Variants in ADGRL3 observed in about 807,000 individuals in gnomAD.
ADGRL3 encodes the protein adhesion G protein-coupled receptor L3.
In ADGRL3, 62 loss-of-function variants were observed where a neutral mutation model predicts 153.5. The ratio of observed to expected loss-of-function variants is 0.40; its 90% CI spans 0.33 to 0.50. The LOEUF is 0.50. Ranked by LOEUF, ADGRL3 falls within the 20% of genes least tolerant of loss-of-function variation. The pLI is 0.47. For synonymous variants in ADGRL3, 710 were observed against 672.5 expected, an observed-to-expected ratio of 1.06 and a Z score of -0.86; for missense variants, 1,641 against 1,859.4, an observed-to-expected ratio of 0.88 and a Z score of 2.16.
At chr4:61,489,263 A>G (rs2098231361) in intron 2 of ADGRL3, among the ~76,000 whole-genome samples, 1 of 151,954 alleles carries the variant, frequency 6.6e-6, no homozygotes, top group African/African-American at 2.4e-5. Context: ...TGTCCTTTTC[A>G]CACTCTAAAG....
intron 1 of ADGRL3, among the ~76,000 whole-genome samples, chr4:61,333,740 G>A (rs2095620212): frequency 6.6e-6 from 1 of 151,994 alleles, no homozygotes; most frequent in Middle Eastern, 3.4e-3. Context: ...GAGACTCCAG[G>A]CATGTGCCAC....
At chr4:61,717,580 A>C (rs2096146461) in intron 6 of ADGRL3, among the ~76,000 whole-genome samples, 1 of 152,174 alleles carries the variant, frequency 6.6e-6, no homozygotes, top group South Asian at 2.1e-4. Flanking sequence ...AGTCGTTTTG[A>C]TAAGTTAGTA....
intron 11 of ADGRL3, among the ~76,000 whole-genome samples, chr4:61,899,714 A>C (rs1225578593): frequency 2.0e-5 from 3 of 152,130 alleles, no homozygotes; most frequent in Admixed American, 1.3e-4. Flanking sequence ...ACAGAAGTAT[A>C]TTTACTATGG....
intron 8 of ADGRL3, among the ~76,000 whole-genome samples, chr4:61,796,857 T>TA (rs1011495767): frequency 2.0e-5 from 3 of 152,262 alleles, no homozygotes; most frequent in African/African-American, 7.2e-5. Context: ...TACAAAAGGA[T>TA]AAAAAAATAC....
intron 9 of ADGRL3, 57 bp from the exon 10 acceptor site, chr4:61,892,598 TC>T: frequency 7.9e-7 from 1 of 1,261,242 alleles, no homozygotes; most frequent in Non-Finnish European, 1.2e-6. Flanking sequence ...TACTAGGACA[TC>T]TTGAGGTCCT....
intron 6 of ADGRL3, among the ~76,000 whole-genome samples, chr4:61,728,826 A>G (rs528635488): frequency 7.2e-5 from 11 of 152,026 alleles, no homozygotes; most frequent in Middle Eastern, 3.4e-3. Flanking sequence ...CGATTATGCA[A>G]TTTGTTAAGG....
At chr4:61,912,457 A>C (rs1380719682) in intron 12 of ADGRL3, among the ~76,000 whole-genome samples, 1 of 152,140 alleles carries the variant, frequency 6.6e-6, no homozygotes, top group African/African-American at 2.4e-5. Context: ...TACGAAATGT[A>C]TTCAAAGATT....
At chr4:62,015,356 C>A (rs149965620) in intron 21 of ADGRL3, among the ~76,000 whole-genome samples, 2 of 152,136 alleles carry the variant, frequency 1.3e-5, no homozygotes, top group African/African-American at 4.8e-5. Flanking sequence ...ACTCAAAAAC[C>A]CTCTTTGTTC....
chr4:61,301,061 C>T (rs907827472), intron 1 of ADGRL3, among the ~76,000 whole-genome samples: 1 of 152,100 alleles, frequency 6.6e-6, no homozygotes, highest in Non-Finnish European at 1.5e-5. Context: ...CTGCGCCAGT[C>T]CAAGAATGAG....
intron 8 of ADGRL3, among the ~76,000 whole-genome samples, chr4:61,743,426 G>T (rs2096609420): frequency 6.6e-6 from 1 of 151,674 alleles, no homozygotes; most frequent in South Asian, 2.1e-4. Context: ...AGATTTATCT[G>T]AAAATTATCT....
intron 8 of ADGRL3, among the ~76,000 whole-genome samples, chr4:61,795,935 C>T (rs1172329956): frequency 6.6e-6 from 1 of 152,094 alleles, no homozygotes; most frequent in Non-Finnish European, 1.5e-5. Flanking sequence ...CTCTGCCCAC[C>T]AGGTTCAAGC....
chr4:61,454,352 C>G (rs1247106940), intron 2 of ADGRL3, among the ~76,000 whole-genome samples: 1 of 151,764 alleles, frequency 6.6e-6, no homozygotes, highest in Non-Finnish European at 1.5e-5. Flanking sequence ...TTTTTTATTC[C>G]TACCTTTCAT....
intron 2 of ADGRL3, among the ~76,000 whole-genome samples, chr4:61,463,795 A>G (rs1363781468): frequency 6.6e-6 from 1 of 152,140 alleles, no homozygotes; most frequent in Non-Finnish European, 1.5e-5. Flanking sequence ...CGGGGTGGGT[A>G]TGAGGGTTAT....
At chr4:62,052,406 T>C (rs1206354007) in intron 25 of ADGRL3, among the ~76,000 whole-genome samples, 1 of 151,544 alleles carries the variant, frequency 6.6e-6, no homozygotes, top group East Asian at 1.9e-4. Context: ...TTTGCTTCCA[T>C]TTTATTTTGT....
At chr4:61,685,475 A>G (rs1233007297) in intron 6 of ADGRL3, among the ~76,000 whole-genome samples, 2 of 152,126 alleles carry the variant, frequency 1.3e-5, no homozygotes, top group Admixed American at 1.3e-4. Context: ...AGAACAATGA[A>G]GGGGCTGGCT....
chr4:61,440,360 A>C (rs1044765757), intron 2 of ADGRL3, among the ~76,000 whole-genome samples: 2 of 152,138 alleles, frequency 1.3e-5, no homozygotes, highest in Non-Finnish European at 2.9e-5. Flanking sequence ...TATTGCTTTT[A>C]ATATACAATT....
chr4:61,208,305 T>C (rs1738277498), intron 1 of ADGRL3, among the ~76,000 whole-genome samples: 1 of 152,186 alleles, frequency 6.6e-6, no homozygotes, highest in Admixed American at 6.5e-5. Flanking sequence ...TATGCTTTAA[T>C]TTCCTGGTAT....
chr4:61,920,940 G>A (rs775137687), intron 13 of ADGRL3, among the ~76,000 whole-genome samples: 6 of 152,088 alleles, frequency 3.9e-5, no homozygotes, highest in Non-Finnish European at 8.8e-5. Context: ...GGGATATTGG[G>A]CAACTAGCAG....
chr4:61,567,248 T>C (rs1175986919), intron 4 of ADGRL3, among the ~76,000 whole-genome samples: 1 of 152,230 alleles, frequency 6.6e-6, no homozygotes. Context: ...CAGGCTTAAC[T>C]GCTGCACTAA....
Sources: allele counts gnomAD v4.1 joint callset (sites outside exome capture counted in the v4.1 genomes callset), GRCh38; gene constraint gnomAD v4.1.1; transcripts MANE v1.5; gene names NCBI Gene and HGNC (gene_info 2026-07-23, HGNC 2026-07-21).